Variants in CACNA1C observed in about 807,000 individuals in gnomAD.
CACNA1C encodes the protein voltage-dependent L-type calcium channel subunit alpha-1C.
In CACNA1C, 30 loss-of-function variants were observed where a neutral mutation model predicts 229.0. The ratio of observed to expected loss-of-function variants is 0.13; its 90% CI spans 0.10 to 0.18. CACNA1C has a LOEUF of 0.18. Ranked by LOEUF, CACNA1C falls within the 10% of genes least tolerant of loss-of-function variation. The pLI is 1.00. For missense variants in CACNA1C, 1,658 were observed against 2,845.0 expected (o/e 0.58, Z 9.49); for synonymous variants, 1,114 against 1,132.5 (o/e 0.98, Z 0.33).
intron 9 of CACNA1C, among the ~76,000 whole-genome samples, chr12:2,541,339 G>GTTC (rs1254553174): frequency 6.6e-6 from 1 of 152,180 alleles, no homozygotes; most frequent in Non-Finnish European, 1.5e-5. Flanking sequence ...CTTGTTAACC[G>GTTC]TAAGTCTGAT....
intron 1 of CACNA1C, among the ~76,000 whole-genome samples, chr12:1,990,093 T>C (rs1273399693): frequency 6.6e-6 from 1 of 152,192 alleles, no homozygotes; most frequent in Non-Finnish European, 1.5e-5. Flanking sequence ...GAAGTTAAGG[T>C]TTCTTGGTTC....
At chr12:2,139,323 AGT>A (rs2154189371) in intron 3 of CACNA1C, among the ~76,000 whole-genome samples, 1 of 151,276 alleles carries the variant, frequency 6.6e-6, no homozygotes, top group East Asian at 1.9e-4. Context: ...TAAGGACAGC[AGT>A]CATTGGATTA....
chr12:2,449,686 G>A lies in CACNA1C; in HGVS notation c.617+571G>A, dbSNP rs371961433. Among the ~76,000 whole-genome samples, 12 of 152,360 alleles carry A rather than the reference G, an allele frequency of 7.9e-5. No homozygotes were observed. The East Asian group carries it at 1.5e-3, about 20-fold the overall frequency. ...TCCCACACAGCATGCACACACGGTTGGACCTGAGTGCTCCTGATGGAACCC... is the reference window on the plus strand; with the variant it reads ...TCCCACACAGCATGCACACACGGTTAGACCTGAGTGCTCCTGATGGAACCC... On this transcript the variant is annotated intron_variant, in intron 4 of 46. Coordinates refer to ENST00000399655, the MANE Select transcript of CACNA1C (RefSeq NM_000719.7).
rs2095335649 is a variant in CACNA1C, at chr12:2,654,978, G to T, written c.4141-169G>T. Among the ~76,000 whole-genome samples the T allele has an allele frequency of 6.6e-6, 1 of 152,102 alleles. No individual in the cohort carries two copies. The highest frequency in any genetic ancestry group is 2.1e-4 in the South Asian group (1 of 4,816). Reference sequence around the variant, plus strand: ...CCAGTGTAGGGATTTGGGCTCAGGGGCTGGGTGGGGCAGCAGGTGCCTGCC... The same window carrying T: ...CCAGTGTAGGGATTTGGGCTCAGGGTCTGGGTGGGGCAGCAGGTGCCTGCC... On this transcript the variant is annotated intron_variant, in intron 33 of 46. Transcript: ENST00000399655. This position sits in a 1 kb window ranked among gnomAD's most constrained non-coding sequence, Gnocchi z 4.4.
chr12:2,578,740 C>G (rs2059461558), intron 13 of CACNA1C, among the ~76,000 whole-genome samples: 1 of 152,118 alleles, frequency 6.6e-6, no homozygotes, highest in African/African-American at 2.4e-5. Flanking sequence ...AGCAGGAGCT[C>G]CATCAGAGCA....
chr12:2,501,364 T>C (rs1236711784), intron 7 of CACNA1C, among the ~76,000 whole-genome samples: 1 of 152,106 alleles, frequency 6.6e-6, no homozygotes, highest in Non-Finnish European at 1.5e-5. Flanking sequence ...CAGGTTTCCC[T>C]CTTCCTCAGC....
At chr12:2,626,575 T>C (rs1271748597) in intron 29 of CACNA1C, among the ~76,000 whole-genome samples, 3 of 152,198 alleles carry the variant, frequency 2.0e-5, no homozygotes, top group African/African-American at 7.2e-5. Flanking sequence ...CATGGCCATG[T>C]GTCTGCCTAG....
rs564882075 is a variant in CACNA1C, at chr12:2,548,583, AT to A, written c.1391-1352del. Among the ~76,000 whole-genome samples the A allele has an allele frequency of 1.3e-4, 20 of 152,190 alleles. No individual in the cohort carries two copies. In the South Asian group the frequency reaches 3.5e-3, roughly 27 times the overall value. On this transcript the variant is annotated intron_variant, in intron 9 of 46. Coordinates refer to ENST00000399655, the MANE Select transcript of CACNA1C (RefSeq NM_000719.7). ...TAGAGTTCTATAAAATGACATCTGG[AT>A]TTTTTTTAATTCAATTTTATTAAAA...
chr12:2,337,052 G>A (rs961345722), intron 3 of CACNA1C, among the ~76,000 whole-genome samples: 13 of 152,202 alleles, frequency 8.5e-5, no homozygotes, highest in Admixed American at 7.2e-4. Context: ...TGGGAAGCTG[G>A]CTACGTCCTC....
rs542739321 is a variant in CACNA1C, at chr12:2,403,085, A to C, written c.478-45891A>C. ...GGCAGAGGGACTTGTGTGTGTAGGC[A>C]GCAGCACACAGATACGGGGCTAGGA... On this transcript the variant is annotated intron_variant, in intron 3 of 46. Transcript: ENST00000399655. This position sits in a 1 kb window ranked among gnomAD's most constrained non-coding sequence, Gnocchi z 4.1. Among the ~76,000 whole-genome samples the C allele has an allele frequency of 6.6e-6, 1 of 152,304 alleles. No homozygotes were observed. Among genetic ancestry groups the C allele is most frequent in the South Asian group, 2.1e-4 (1 of 4,822 alleles).
chr12:2,538,790 A>G (rs550839968), intron 9 of CACNA1C, among the ~76,000 whole-genome samples: 1 of 152,342 alleles, frequency 6.6e-6, no homozygotes, highest in South Asian at 2.1e-4. Flanking sequence ...GAAAAGTCAT[A>G]AGGAATAACT....
chr12:2,103,631 T>G (rs1044108406), intron 1 of CACNA1C, among the ~76,000 whole-genome samples: 11 of 152,240 alleles, frequency 7.2e-5, no homozygotes, highest in African/African-American at 2.4e-4. Context: ...TTTTGGTGTT[T>G]TAGTCATGAA....
At chr12:2,606,427 C>T (rs2075378274) in intron 24 of CACNA1C, among the ~76,000 whole-genome samples, 184 bp from the exon 25 acceptor site, 1 of 152,078 alleles carries the variant, frequency 6.6e-6, no homozygotes. Context: ...GTGCTACTTG[C>T]AGCACTGGCG....
In CACNA1C at chr12:2,348,646, C is replaced by T. The variant is rs1232164799; in HGVS notation, c.478-100330C>T. Among the ~76,000 whole-genome samples, 1 of 152,076 alleles carries T rather than the reference C, an allele frequency of 6.6e-6. No homozygotes were observed. The highest frequency in any genetic ancestry group is 1.5e-5 in the Non-Finnish European group (1 of 68,032). On this transcript the variant is annotated intron_variant, in intron 3 of 46. Coordinates refer to ENST00000399655, the MANE Select transcript of CACNA1C (RefSeq NM_000719.7). The surrounding 1 kb of genome is among the most constrained non-coding windows in gnomAD (Gnocchi z 4.7). The stretch of plus-strand genomic sequence containing the variant: ...ATGTTTGGCATGCTGAATATAAACT[C>T]ATGCTTCCGTCTGCTGCCACACTTT...
At chr12:2,652,694 C>T (rs573400832) in intron 32 of CACNA1C, among the ~76,000 whole-genome samples, 1 of 152,360 alleles carries the variant, frequency 6.6e-6, no homozygotes, top group South Asian at 2.1e-4. Context: ...AGGGACTGAC[C>T]ATCCAAGGCT....
rs147071291 is a variant in CACNA1C at position 2,635,202 on chromosome 12, C to A, written c.3912+822C>A. On this transcript the variant is annotated intron_variant, in intron 30 of 46. Coordinates refer to ENST00000399655, the MANE Select transcript of CACNA1C (RefSeq NM_000719.7). ...CTCTCACACCCCTGCCTCTGGCTCC[C>A]GAGCCTCAGACAGCACCCCAGCCTC... Among the ~76,000 whole-genome samples the A allele has an allele frequency of 4.6e-4, 70 of 152,240 alleles. No individual in the cohort carries two copies. In the South Asian group the frequency reaches 9.4e-3, roughly 20 times the overall value.
chr12:2,420,346 G>A (rs112010728), intron 3 of CACNA1C, among the ~76,000 whole-genome samples: 9,374 of 152,094 alleles, frequency 0.062, 348 homozygotes, highest in Middle Eastern at 0.11. Flanking sequence ...TTTCACCCCC[G>A]CTGTGATGCT....
chr12:2,065,493 G>A (rs1229936891), intron 1 of CACNA1C, among the ~76,000 whole-genome samples: 1 of 144,814 alleles, frequency 6.9e-6, no homozygotes, highest in African/African-American at 2.6e-5. Flanking sequence ...TTTGCTTATA[G>A]GATCTCTGGA....
chr12:2,515,459 A>G (rs1304112162), intron 9 of CACNA1C, among the ~76,000 whole-genome samples: 1 of 152,220 alleles, frequency 6.6e-6, no homozygotes, highest in Non-Finnish European at 1.5e-5. Context: ...GCTACGTTTG[A>G]AGCATGTGTG....
Sources: gnomAD v4.1 joint callset for allele counts (sites outside exome capture counted in the v4.1 genomes callset) on GRCh38, gnomAD v4.1.1 for gene constraint, Gnocchi (gnomAD v3.1) non-coding constraint, MANE v1.5 for transcripts, NCBI Gene and HGNC (gene_info 2026-07-23, HGNC 2026-07-21) for gene names.